The following NRAP variants were observed in gnomAD, a reference collection of about 807,000 sequenced individuals.
NRAP encodes nebulin-related-anchoring protein.
Under a neutral mutation model 225.9 loss-of-function variants are expected in NRAP, and 189 were observed. That is an observed-to-expected ratio of 0.84 (90% CI 0.74 to 0.94). The LOEUF (loss-of-function observed/expected upper bound fraction) is 0.94, where lower values mean the gene tolerates loss of function less well. Ranked by LOEUF, NRAP falls within the 40% of genes least tolerant of loss-of-function variation. NRAP has a pLI of 0.00. For missense variants in NRAP, 2,176 were observed against 2,168.7 expected (o/e 1.00, Z -0.07); for synonymous variants, 769 against 790.7 (o/e 0.97, Z 0.46).
chr10:113,609,345 T>C (rs1847188961), intron 31 of NRAP, among the ~76,000 whole-genome samples: 1 of 152,152 alleles, frequency 6.6e-6, no homozygotes, highest in African/African-American at 2.4e-5. Context: ...GAGATTTCTC[T>C]GGAAAAGCAA....
At chr10:113,601,469 A>G (rs573211343) in intron 35 of NRAP, among the ~76,000 whole-genome samples, 1 of 152,382 alleles carries the variant, frequency 6.6e-6, no homozygotes, top group South Asian at 2.1e-4. Flanking sequence ...TCCTGTTCAC[A>G]GCTTCTTCGA....
intron 30 of NRAP, among the ~76,000 whole-genome samples, chr10:113,611,202 C>T (rs563802599): frequency 5.9e-4 from 90 of 152,200 alleles, no homozygotes; most frequent in African/African-American, 1.9e-3. Context: ...AAGTGACAAA[C>T]GGGCCCCCGA....
intron 18 of NRAP, among the ~76,000 whole-genome samples, chr10:113,630,356 T>TAGAGATGATGGTGATGATGGC (rs1848511984): frequency 6.6e-6 from 1 of 152,066 alleles, no homozygotes; most frequent in African/African-American, 2.4e-5. Context: ...GTGGTGATGG[T>TAGAGATGATGGTGATGATGGC]AGTGATGATG....
At chr10:113,621,829 CACAT>C (rs1431865269) in intron 24 of NRAP, 36 bp downstream of exon 24, 2 of 1,554,258 alleles carry the variant, frequency 1.3e-6, no homozygotes, top group Non-Finnish European at 1.8e-6. Flanking sequence ...ACACAACACA[CACAT>C]ACACACACAA....
rs1397684786 is a variant in NRAP, at chr10:113,634,118, C to T, written c.1521G>A (p.Leu507=). The change falls in exon 15 of 42, where the codon CTG becomes CTA. Residue 507 remains leucine (L), a synonymous_variant. Transcript: ENST00000359988. ...GGCAGGGACAGTTACTTACATGACT[C>T]AGCTGCTGGGCATTGATTTTGGCTT... ...IVQAKINAQQ[L]SHVNYRADYE... 1.9e-6 allele frequency: 3 copies of T among 1,611,958 alleles called. No individual in the cohort carries two copies. Among genetic ancestry groups the T allele is most frequent in the Non-Finnish European group, 1.7e-6 (2 of 1,178,196 alleles).
intron 29 of NRAP, among the ~76,000 whole-genome samples, chr10:113,613,340 T>C (rs1045066036): frequency 6.6e-6 from 1 of 151,740 alleles, no homozygotes; most frequent in Non-Finnish European, 1.5e-5. Context: ...CCATGAGAGG[T>C]AGAGCTGGCT....
chr10:113,651,928 T>G (rs369274825), intron 6 of NRAP, 21 bp from the exon 7 acceptor site: 47 of 1,518,232 alleles, frequency 3.1e-5, no homozygotes, highest in Non-Finnish European at 4.1e-5. Context: ...GACAGTAGAG[T>G]CAAGGGTGCA....
chr10:113,596,825 CT>C (rs1420462994), intron 37 of NRAP, among the ~76,000 whole-genome samples: 1 of 152,152 alleles, frequency 6.6e-6, no homozygotes, highest in East Asian at 1.9e-4. Context: ...TTCATTTAAT[CT>C]TATGAAATGG....
chr10:113,604,401 C>A (rs1010190230), intron 35 of NRAP, among the ~76,000 whole-genome samples: 1 of 152,182 alleles, frequency 6.6e-6, no homozygotes, highest in African/African-American at 2.4e-5. Context: ...AGGTGTGAGC[C>A]ACTGTGCTAG....
intron 41 of NRAP, 195 bp downstream of exon 41, chr10:113,589,471 G>A (rs1470351994): frequency 1.9e-5 from 12 of 640,078 alleles, no homozygotes; most frequent in Non-Finnish European, 2.7e-5. Context: ...AGAAAGCCCT[G>A]CAGGAAGTTT....
rs574736223 is a variant in NRAP at position 113,598,997 on chromosome 10, C to T, written c.4228-924G>A. ...CCACCATTACCTACAACGAGAAAGT[C>T]GCCTGAATGCTTCTCTTCTTCTCTT... On this transcript the variant is annotated intron_variant, in intron 35 of 41. Coordinates refer to ENST00000359988, the MANE Select transcript of NRAP (RefSeq NM_198060.4). Among the ~76,000 whole-genome samples, 10 of 152,298 alleles carry T rather than the reference C, an allele frequency of 6.6e-5. 1 individual carries two copies. The South Asian group carries it at 1.0e-3, about 16-fold the overall frequency.
At chr10:113,591,024 T>C in intron 39 of NRAP, 135 bp from the exon 40 acceptor site, 1 of 681,434 alleles carries the variant, frequency 1.5e-6, no homozygotes, top group African/African-American at 1.8e-5. Context: ...TGGATTCAAA[T>C]AGACCTATCT....
At chr10:113,654,537 G>C (rs955587232) in intron 4 of NRAP, among the ~76,000 whole-genome samples, 9 of 143,974 alleles carry the variant, frequency 6.3e-5, no homozygotes, top group African/African-American at 2.3e-4. Flanking sequence ...GAAAGGCAAA[G>C]TTTCTCTTTT....
At chr10:113,633,010 T>A in intron 16 of NRAP, 74 bp downstream of exon 16, 1 of 823,762 alleles carries the variant, frequency 1.2e-6, no homozygotes, top group Non-Finnish European at 2.1e-6. Context: ...TCCCACTTGC[T>A]GGACCATCCT....
chr10:113,637,677 A>C (rs1202243423), intron 14 of NRAP, among the ~76,000 whole-genome samples: 1 of 152,186 alleles, frequency 6.6e-6, no homozygotes, highest in Non-Finnish European at 1.5e-5. Context: ...TAATCCCAGC[A>C]CTTTGGGAGG....
intron 11 of NRAP, among the ~76,000 whole-genome samples, chr10:113,644,515 A>G (rs1297650643): frequency 2.0e-5 from 3 of 152,256 alleles, no homozygotes; most frequent in African/African-American, 7.2e-5. Flanking sequence ...GTGTTCAAAT[A>G]AAACTTATTT....
chr10:113,663,862 AG>A lies in NRAP; in HGVS notation c.20del (p.Ser7LeufsTer16). The A allele has an allele frequency of 6.2e-7, 1 of 1,613,882 alleles. No individual in the cohort carries two copies. The highest frequency in any genetic ancestry group is 1.3e-5 in the African/African-American group (1 of 75,048). MNVQPCSRCGYGVYPAE... is the reference protein window; with the variant it reads MNVQPCXRCGYGVYPAE... Reference sequence around the variant, plus strand: ...CAGGATAAACCCCATACCCACACCTAGAACAGGGCTGCACATTCATCTCGAA... The same window carrying A: ...CAGGATAAACCCCATACCCACACCTAAACAGGGCTGCACATTCATCTCGAA... On this transcript the variant is annotated frameshift_variant, in exon 1 of 42. Coordinates refer to ENST00000359988, the MANE Select transcript of NRAP (RefSeq NM_198060.4). LOFTEE classifies it high-confidence loss of function.
intron 3 of NRAP, among the ~76,000 whole-genome samples, chr10:113,661,122 A>G (rs1850647732): frequency 6.6e-6 from 1 of 152,208 alleles, no homozygotes; most frequent in Non-Finnish European, 1.5e-5. Flanking sequence ...TAGGCTTCTC[A>G]GTAACCTAGG....
At chr10:113,624,421 C>T (rs1016959036) in intron 22 of NRAP, among the ~76,000 whole-genome samples, 9 of 152,138 alleles carry the variant, frequency 5.9e-5, no homozygotes, top group Non-Finnish European at 4.4e-5. Context: ...ATCATTTTAC[C>T]AATGGGACAC....
Sources: gnomAD v4.1 joint callset for allele counts (sites outside exome capture counted in the v4.1 genomes callset) on GRCh38, gnomAD v4.1.1 for gene constraint, MANE v1.5 for transcripts, NCBI Gene and HGNC (gene_info 2026-07-23, HGNC 2026-07-21) for gene names.